Variants in TMEM163 observed in about 807,000 individuals in gnomAD.
TMEM163 encodes transmembrane protein 163.
TMEM163 carries 17 observed loss-of-function variants against 29.3 expected under a neutral mutation model. That is an observed-to-expected ratio of 0.58 (90% CI 0.40 to 0.87). TMEM163 has a LOEUF of 0.87. Among genes scored for constraint, TMEM163 ranks in the 40% least tolerant of loss-of-function variants. The pLI, the probability that TMEM163 is intolerant of heterozygous loss-of-function variation, is 0.00. For synonymous variants in TMEM163, 157 were observed against 160.6 expected, an observed-to-expected ratio of 0.98 and a Z score of 0.17; for missense variants, 303 against 381.5, an observed-to-expected ratio of 0.79 and a Z score of 1.71.
chr2:134,629,127 C>T (rs1682916158), intron 2 of TMEM163, among the ~76,000 whole-genome samples: 1 of 152,100 alleles, frequency 6.6e-6, no homozygotes, highest in Non-Finnish European at 1.5e-5. Flanking sequence ...CTCACAAAAC[C>T]CCTGTAAATA....
chr2:134,678,481 T>A (rs1574332909), intron 2 of TMEM163, among the ~76,000 whole-genome samples: 1 of 152,176 alleles, frequency 6.6e-6, no homozygotes, highest in South Asian at 2.1e-4. Context: ...TAAAATACAA[T>A]TGTAGGGACT....
intron 2 of TMEM163, among the ~76,000 whole-genome samples, chr2:134,700,435 G>A (rs1202242340): frequency 6.6e-6 from 1 of 152,198 alleles, no homozygotes; most frequent in African/African-American, 2.4e-5. Context: ...CTCCTCTGAT[G>A]TAGAGTTCGA....
chr2:134,709,578 T>C (rs1478873907), intron 2 of TMEM163, among the ~76,000 whole-genome samples: 2 of 152,212 alleles, frequency 1.3e-5, no homozygotes, highest in East Asian at 1.9e-4. Context: ...GGTATATTGA[T>C]TACCTGGAAG....
chr2:134,672,108 T>C (rs760886245), intron 2 of TMEM163, among the ~76,000 whole-genome samples: 1 of 152,208 alleles, frequency 6.6e-6, no homozygotes, highest in Non-Finnish European at 1.5e-5. Flanking sequence ...CTATAAATTA[T>C]AAAAGTAACA....
At chr2:134,521,955 G>C (rs1680199458) in intron 4 of TMEM163, among the ~76,000 whole-genome samples, 1 of 152,146 alleles carries the variant, frequency 6.6e-6, no homozygotes, top group African/African-American at 2.4e-5. Context: ...AAACATGTAA[G>C]GTTGCCAAGC....
At chr2:134,532,944 ACCCTT>A (rs1680446567) in intron 4 of TMEM163, among the ~76,000 whole-genome samples, 1 of 152,180 alleles carries the variant, frequency 6.6e-6, no homozygotes, top group Non-Finnish European at 1.5e-5. Context: ...TATAATGCAC[ACCCTT>A]ACCAACAAAC....
chr2:134,536,791 C>CAAA (rs1159677343), intron 4 of TMEM163, among the ~76,000 whole-genome samples: 9 of 152,134 alleles, frequency 5.9e-5, no homozygotes, highest in Admixed American at 5.9e-4. Flanking sequence ...AGGAACTATA[C>CAAA]AAAAACCCCT....
intron 2 of TMEM163, among the ~76,000 whole-genome samples, chr2:134,681,309 C>T (rs139436726): frequency 1.6e-4 from 25 of 152,176 alleles, no homozygotes; most frequent in African/African-American, 6.0e-4. Context: ...AGTCTCAGTT[C>T]CATGCCGGGA....
chr2:134,505,675 A>G (rs774750690), intron 4 of TMEM163, among the ~76,000 whole-genome samples: 1 of 152,172 alleles, frequency 6.6e-6, no homozygotes, highest in Non-Finnish European at 1.5e-5. Context: ...GAAGGAACAA[A>G]TGCCTGCTTC....
chr2:134,660,911 T>C (rs991865110), intron 2 of TMEM163, among the ~76,000 whole-genome samples: 1 of 152,192 alleles, frequency 6.6e-6, no homozygotes, highest in African/African-American at 2.4e-5. Context: ...ATGGTTTGAA[T>C]GTGTCCCCAT....
intron 2 of TMEM163, among the ~76,000 whole-genome samples, chr2:134,585,645 A>G (rs538729580): frequency 2.4e-3 from 371 of 152,060 alleles, no homozygotes; most frequent in African/African-American, 5.6e-3. Flanking sequence ...GGGAGGCTGA[A>G]GCAGGAGGAT....
Position 134,573,568 on chromosome 2 carries a change from T to C in TMEM163, c.323-21477A>G, listed in dbSNP as rs115245329. On this transcript the variant is annotated intron_variant, in intron 2 of 7. Coordinates refer to ENST00000281924, the MANE Select transcript of TMEM163 (RefSeq NM_030923.5). ...AAAGAATCAGGGCCCCAAATACCAATAGCACCCAGGCTGACAAACTCCCTT... is the reference window on the plus strand; with the variant it reads ...AAAGAATCAGGGCCCCAAATACCAACAGCACCCAGGCTGACAAACTCCCTT... 3.6e-3 allele frequency among the ~76,000 whole-genome samples: 543 copies of C among 152,220 alleles called. 3 individuals are homozygous for C. The highest frequency in any genetic ancestry group is 0.013 in the African/African-American group (522 of 41,522).
chr2:134,564,407 T>C (rs543335907), intron 2 of TMEM163, among the ~76,000 whole-genome samples: 1 of 152,214 alleles, frequency 6.6e-6, no homozygotes, highest in African/African-American at 2.4e-5. Context: ...TATAAAAGTG[T>C]AAGGTTAACA....
intron 2 of TMEM163, among the ~76,000 whole-genome samples, chr2:134,668,296 T>A (rs925676459): frequency 1.3e-5 from 2 of 152,052 alleles, no homozygotes; most frequent in Admixed American, 1.3e-4. Flanking sequence ...TGGCCACATA[T>A]CCCTCTCTCC....
chr2:134,600,691 G>A lies in TMEM163; in HGVS notation c.323-48600C>T, dbSNP rs1053215807. On this transcript the variant is annotated intron_variant, in intron 2 of 7. Coordinates refer to ENST00000281924, the MANE Select transcript of TMEM163 (RefSeq NM_030923.5). ...ACCTGTGAATAATGAAAACAAATGA[G>A]ATCCTTAGACTCTCTACTCATCTAA... Among the ~76,000 whole-genome samples the A allele has an allele frequency of 3.9e-5, 6 of 152,288 alleles. No homozygotes were observed. In the East Asian group the frequency reaches 1.2e-3, roughly 29 times the overall value.
intron 2 of TMEM163, among the ~76,000 whole-genome samples, chr2:134,682,883 T>C (rs527251500): frequency 3.3e-5 from 5 of 152,174 alleles, no homozygotes; most frequent in Non-Finnish European, 5.9e-5. Context: ...TGTCCTTCAG[T>C]AGATGAGTGG....
At chr2:134,463,818 G>A (rs79351087) in intron 6 of TMEM163, among the ~76,000 whole-genome samples, 9 of 152,186 alleles carry the variant, frequency 5.9e-5, no homozygotes, top group Non-Finnish European at 1.2e-4. Context: ...GTAAAACCCC[G>A]CTGATCCGGT....
chr2:134,568,899 G>A (rs1385602734), intron 2 of TMEM163, among the ~76,000 whole-genome samples: 1 of 151,996 alleles, frequency 6.6e-6, no homozygotes, highest in Non-Finnish European at 1.5e-5. Flanking sequence ...GGAGAAGTCT[G>A]GGGAATCTGT....
intron 2 of TMEM163, among the ~76,000 whole-genome samples, chr2:134,567,920 A>T (rs1681333360): frequency 6.6e-6 from 1 of 152,216 alleles, no homozygotes. Context: ...TGGCTAAAAA[A>T]GGTCCACTTG....
Sources: gnomAD v4.1 joint callset for allele counts (sites outside exome capture counted in the v4.1 genomes callset) on GRCh38, gnomAD v4.1.1 for gene constraint, MANE v1.5 for transcripts, NCBI Gene and HGNC (gene_info 2026-07-23, HGNC 2026-07-21) for gene names.